Variants in SEMA3D observed in about 807,000 individuals in gnomAD.
SEMA3D encodes semaphorin-3D.
Under a neutral mutation model 100.1 loss-of-function variants are expected in SEMA3D, and 84 were observed. The ratio of observed to expected loss-of-function variants is 0.84; its 90% CI spans 0.70 to 1.01. SEMA3D has a LOEUF of 1.01. SEMA3D is among the 50% of genes least tolerant of loss of function. The pLI, the probability that SEMA3D is intolerant of heterozygous loss-of-function variation, is 0.00. For synonymous variants in SEMA3D, 312 were observed against 320.7 expected (o/e 0.97, Z 0.29); for missense variants, 875 against 934.1 (o/e 0.94, Z 0.82).
intron 6 of SEMA3D, among the ~76,000 whole-genome samples, chr7:85,071,421 G>A (rs1175050980): frequency 6.6e-6 from 1 of 152,166 alleles, no homozygotes; most frequent in African/African-American, 2.4e-5. Context: ...GTGTGAATCA[G>A]CTAAGTCAAT....
rs975285346 is a variant in SEMA3D at position 85,014,109 on chromosome 7, A to G, written c.1703+950T>C. On this transcript the variant is annotated intron_variant, in intron 16 of 18. Transcript: ENST00000284136. ...AGTAATATTTGCTGTTGAACTATAC[A>G]TTCAATTTGTAATTTCCTAGAATTT... is the stretch of plus-strand genomic sequence containing the variant. Among the ~76,000 whole-genome samples the G allele has an allele frequency of 3.3e-5, 5 of 151,926 alleles. No homozygotes were observed. In the South Asian group the frequency reaches 1.0e-3, roughly 31 times the overall value.
intron 7 of SEMA3D, among the ~76,000 whole-genome samples, chr7:85,066,893 C>T (rs1209576424): frequency 1.0e-5 from 1 of 100,014 alleles, no homozygotes; most frequent in Non-Finnish European, 1.8e-5. Flanking sequence ...AATGTGCGCT[C>T]ACACACACAC....
chr7:85,061,524 AATACTCACTTGT>A lies in SEMA3D; in HGVS notation c.718+3888_718+3899del, dbSNP rs1226119077. Reference sequence around the variant, plus strand: ...TTTAGAATCTGCATCTTAACAGTTAAATACTCACTTGTCGCAGTTCATCTGTATTCTCTCCCC... The same window carrying A: ...TTTAGAATCTGCATCTTAACAGTTAACGCAGTTCATCTGTATTCTCTCCCC... On this transcript the variant is annotated intron_variant, in intron 8 of 18. Coordinates refer to ENST00000284136, the MANE Select transcript of SEMA3D (RefSeq NM_001384900.1). 3.3e-5 allele frequency among the ~76,000 whole-genome samples: 5 copies of A among 152,148 alleles called. No homozygotes were observed. In the East Asian group the frequency reaches 9.6e-4, roughly 29 times the overall value.
rs1006321823 is a variant in SEMA3D at position 85,113,246 on chromosome 7, A to G, written c.151+8495T>C. On this transcript the variant is annotated intron_variant, in intron 3 of 18. Coordinates refer to ENST00000284136, the MANE Select transcript of SEMA3D (RefSeq NM_001384900.1). ...CATATAATACGAAACCTGGAAATATAGAACATTCTGACCTCCATGATTCCT... is the reference window on the plus strand; with the variant it reads ...CATATAATACGAAACCTGGAAATATGGAACATTCTGACCTCCATGATTCCT... Among the ~76,000 whole-genome samples, 23 of 152,184 alleles carry G rather than the reference A, an allele frequency of 1.5e-4. 1 individual carries two copies. The highest frequency in any genetic ancestry group is 1.5e-3 in the Admixed American group (23 of 15,278).
chr7:85,233,373 C>T, the SEMA3D span, among the ~76,000 whole-genome samples: 4 of 152,112 alleles, frequency 2.6e-5, no homozygotes, highest in Non-Finnish European at 4.4e-5. Context: ...TGATCAAGTT[C>T]GAATGTGTGA....
At chr7:85,060,632 C>T (rs1214205030) in intron 8 of SEMA3D, among the ~76,000 whole-genome samples, 1 of 152,146 alleles carries the variant, frequency 6.6e-6, no homozygotes, top group African/African-American at 2.4e-5. Flanking sequence ...ATGGCATAAA[C>T]TCATGTGGCC....
intron 17 of SEMA3D, among the ~76,000 whole-genome samples, chr7:85,010,756 T>C (rs1255770382): frequency 6.6e-6 from 1 of 151,784 alleles, no homozygotes; most frequent in African/African-American, 2.4e-5. Flanking sequence ...GGCTTTCAAG[T>C]GGAGCTCTTT....
the SEMA3D span, among the ~76,000 whole-genome samples, chr7:85,214,202 A>G: frequency 6.6e-6 from 1 of 152,264 alleles, no homozygotes; most frequent in South Asian, 2.1e-4. Flanking sequence ...TTCTCTAACA[A>G]CTGGGATCCA....
chr7:85,247,970 T>A, the SEMA3D span, among the ~76,000 whole-genome samples: 1 of 151,972 alleles, frequency 6.6e-6, no homozygotes, highest in Admixed American at 6.6e-5. Context: ...TTAGGTGACA[T>A]TGAGTATGGC....
intron 17 of SEMA3D, among the ~76,000 whole-genome samples, chr7:85,010,605 A>G (rs113077995): frequency 4.0e-5 from 6 of 151,846 alleles, no homozygotes; most frequent in Non-Finnish European, 7.4e-5. Flanking sequence ...ATAATATAAA[A>G]GTGACTCCTA....
chr7:85,116,464 T>C (rs1310480267), intron 3 of SEMA3D, among the ~76,000 whole-genome samples: 1 of 148,502 alleles, frequency 6.7e-6, no homozygotes, highest in Non-Finnish European at 1.5e-5. Context: ...TACATATATA[T>C]ACACCTATAT....
intron 1 of SEMA3D, among the ~76,000 whole-genome samples, chr7:85,173,776 A>G (rs1230719754): frequency 6.6e-6 from 1 of 152,178 alleles, no homozygotes; most frequent in Non-Finnish European, 1.5e-5. Context: ...AAAATGGGAC[A>G]CTGAGATGTA....
Position 85,141,021 on chromosome 7 carries a change from CTAA to C in SEMA3D, c.-41+12584_-41+12586del, listed in dbSNP as rs1021807532. On this transcript the variant is annotated intron_variant, in intron 2 of 18. Transcript: ENST00000284136. The stretch of plus-strand genomic sequence containing the variant: ...TATCAATAATCTAGTTTATAAACTA[CTAA>C]TGAGTTAATTGTTTCCACTTTACTC... The C allele has an allele frequency of 4.5e-5, 31 of 694,870 alleles. No individual in the cohort carries two copies. In the Admixed American group the frequency reaches 5.0e-4, roughly 11 times the overall value. The allele number at this position is 694,870 out of a possible 1,614,324, so 43.0% of individuals were successfully genotyped here. A position where few individuals can be genotyped will look rare whatever the true frequency, so the allele number is the denominator to read the frequency against.
chr7:85,089,790 C>T (rs548661452), intron 4 of SEMA3D, among the ~76,000 whole-genome samples: 1 of 152,196 alleles, frequency 6.6e-6, no homozygotes, highest in East Asian at 1.9e-4. Context: ...ACTCAGGAGG[C>T]TGAGGTGAGA....
intron 7 of SEMA3D, among the ~76,000 whole-genome samples, chr7:85,066,835 T>G (rs555121228): frequency 1.6e-4 from 24 of 150,870 alleles, no homozygotes; most frequent in African/African-American, 5.9e-4. Context: ...CAATGAACGA[T>G]CAGGGATAAT....
intron 1 of SEMA3D, among the ~76,000 whole-genome samples, chr7:85,154,788 T>C (rs578184935): frequency 1.3e-5 from 2 of 152,142 alleles, no homozygotes; most frequent in Admixed American, 1.3e-4. Flanking sequence ...CCCTAAATAA[T>C]AGACAACCAT....
intron 17 of SEMA3D, among the ~76,000 whole-genome samples, chr7:85,012,209 A>C (rs1789973886): frequency 6.6e-6 from 1 of 151,728 alleles, no homozygotes; most frequent in African/African-American, 2.4e-5. Flanking sequence ...CCTATCACTA[A>C]TTATGCCTTA....
chr7:85,028,102 T>C (rs539459760), intron 12 of SEMA3D: 1 of 630,118 alleles, frequency 1.6e-6, no homozygotes, highest in Admixed American at 2.0e-5. Flanking sequence ...TATTGGCCTT[T>C]CACGGTGGTA....
chr7:85,015,039 T>G lies in SEMA3D; in HGVS notation c.1703+20A>C. The G allele has an allele frequency of 1.3e-6, 2 of 1,598,562 alleles. No individual in the cohort carries two copies. The highest frequency in any genetic ancestry group is 1.7e-6 in the Non-Finnish European group (2 of 1,168,008). On this transcript the variant is annotated intron_variant, in intron 16 of 18. Coordinates refer to ENST00000284136, the MANE Select transcript of SEMA3D (RefSeq NM_001384900.1). ...GCTTGTAGAAAGGAAGCCTTTATATTAACTCCATGTGCCTCTTACCTTTTA... is the reference window on the plus strand; with the variant it reads ...GCTTGTAGAAAGGAAGCCTTTATATGAACTCCATGTGCCTCTTACCTTTTA...
Sources: gnomAD v4.1 joint callset for allele counts (sites outside exome capture counted in the v4.1 genomes callset) on GRCh38, gnomAD v4.1.1 for gene constraint, MANE v1.5 for transcripts, NCBI Gene and HGNC (gene_info 2026-07-23, HGNC 2026-07-21) for gene names.